The following CACNA2D3 variants were observed in gnomAD, a reference collection of about 807,000 sequenced individuals.
The protein encoded by CACNA2D3 is calcium voltage-gated channel auxiliary subunit alpha2delta 3.
A neutral mutation model predicts 160.6 loss-of-function variants in CACNA2D3; 60 were observed. That is an observed-to-expected ratio of 0.37 (90% CI 0.30 to 0.46). The LOEUF (loss-of-function observed/expected upper bound fraction) is 0.46. Among genes scored for constraint, CACNA2D3 ranks in the 20% least tolerant of loss-of-function variants. The pLI, the probability that CACNA2D3 is intolerant of heterozygous loss-of-function variation, is 1.00. For synonymous variants in CACNA2D3, 558 were observed against 492.9 expected (o/e 1.13, Z -1.75); for missense variants, 1,205 against 1,365.0 (o/e 0.88, Z 1.85).
intron 3 of CACNA2D3, among the ~76,000 whole-genome samples, chr3:54,365,948 A>G (rs1698821480): frequency 6.6e-6 from 1 of 152,186 alleles, no homozygotes; most frequent in Non-Finnish European, 1.5e-5. Context: ...AGATGGGAAG[A>G]TGCATTCATT....
At chr3:54,683,698 C>T (rs138334642) in intron 11 of CACNA2D3, among the ~76,000 whole-genome samples, 2 of 152,226 alleles carry the variant, frequency 1.3e-5, no homozygotes, top group East Asian at 3.9e-4. Flanking sequence ...CTCAGGGATG[C>T]CTTGTATCAC....
chr3:54,725,301 C>T (rs941702982), intron 11 of CACNA2D3, among the ~76,000 whole-genome samples: 3 of 152,066 alleles, frequency 2.0e-5, no homozygotes. Flanking sequence ...AGTCCAGGAC[C>T]AGACGGATTC....
intron 4 of CACNA2D3, among the ~76,000 whole-genome samples, chr3:54,437,331 T>C (rs7428295): frequency 0.79 from 120,720 of 152,218 alleles, 48,118 homozygotes; most frequent in African/African-American, 0.86. Context: ...CTTAAGCCAT[T>C]ACAGGCAATG....
rs750117882 is a variant in CACNA2D3 at position 54,489,226 on chromosome 3, A to G, written c.382-14266A>G. On this transcript the variant is annotated intron_variant, in intron 4 of 37. Coordinates refer to ENST00000474759, the MANE Select transcript of CACNA2D3 (RefSeq NM_018398.3). The stretch of plus-strand genomic sequence containing the variant: ...AGGATTGCATGCTGGGAGATGGCCC[A>G]CTCAGGTTGGTATTTCTGGAAGCTC... Among the ~76,000 whole-genome samples, 10 of 152,118 alleles carry G rather than the reference A, an allele frequency of 6.6e-5. 1 individual carries two copies. Among genetic ancestry groups the G allele is most frequent in the Non-Finnish European group, 8.8e-5 (6 of 68,026 alleles).
At chr3:54,924,847 C>T in intron 27 of CACNA2D3, 1 of 1,613,832 alleles carries the variant, frequency 6.2e-7, no homozygotes, top group South Asian at 1.1e-5. Flanking sequence ...AAATCAAGCT[C>T]CCTCAGCTGA....
intron 5 of CACNA2D3, among the ~76,000 whole-genome samples, chr3:54,547,744 G>A (rs1485896652): frequency 7.2e-6 from 1 of 138,834 alleles, no homozygotes; most frequent in African/African-American, 2.7e-5. Context: ...AAGTGTAGTG[G>A]CACAAGCATG....
At chr3:54,688,462 TGAA>T (rs764175891) in intron 11 of CACNA2D3, among the ~76,000 whole-genome samples, 1 of 151,974 alleles carries the variant, frequency 6.6e-6, no homozygotes, top group South Asian at 2.1e-4. Context: ...AATGAACAAA[TGAA>T]GGAGGGAAGG....
chr3:54,854,580 G>A (rs1054820450), intron 17 of CACNA2D3, among the ~76,000 whole-genome samples: 3 of 151,976 alleles, frequency 2.0e-5, no homozygotes, highest in Admixed American at 6.6e-5. Flanking sequence ...GCCAGGCGCC[G>A]CAGCACCCAG....
intron 5 of CACNA2D3, among the ~76,000 whole-genome samples, chr3:54,520,373 C>G (rs919239976): frequency 1.3e-5 from 2 of 152,214 alleles, no homozygotes; most frequent in Non-Finnish European, 2.9e-5. Flanking sequence ...TGGGTCATCA[C>G]ACAGCTAATT....
chr3:54,508,321 C>G (rs574894526), intron 5 of CACNA2D3, among the ~76,000 whole-genome samples: 1 of 152,290 alleles, frequency 6.6e-6, no homozygotes, highest in South Asian at 2.1e-4. Context: ...TTCCCACTCA[C>G]ACTGAAGAAG....
rs543643082 is a variant in CACNA2D3, at chr3:54,712,478, A to G, written c.1168-40121A>G. Among the ~76,000 whole-genome samples the G allele has an allele frequency of 7.9e-5, 12 of 152,272 alleles. No individual in the cohort carries two copies. In the South Asian group the frequency reaches 2.5e-3, roughly 32 times the overall value. ...TCCTGTGCAATTCTCATGATAGTGA[A>G]TAAGTCTCTCGAGATCTGATGGTTT... On this transcript the variant is annotated intron_variant, in intron 11 of 37. Coordinates refer to ENST00000474759, the MANE Select transcript of CACNA2D3 (RefSeq NM_018398.3).
intron 11 of CACNA2D3, among the ~76,000 whole-genome samples, chr3:54,750,479 G>T (rs922489119): frequency 6.6e-6 from 1 of 152,176 alleles, no homozygotes; most frequent in African/African-American, 2.4e-5. Context: ...TGGATTCTGT[G>T]GGTGCTGGCT....
At chr3:54,308,914 C>G (rs2107497537) in intron 2 of CACNA2D3, among the ~76,000 whole-genome samples, 1 of 152,278 alleles carries the variant, frequency 6.6e-6, no homozygotes, top group Non-Finnish European at 1.5e-5. Flanking sequence ...AGAAAGCAAT[C>G]TATATGAAGT....
At chr3:55,024,659 G>T (rs765338947) in intron 35 of CACNA2D3, among the ~76,000 whole-genome samples, 4 of 152,124 alleles carry the variant, frequency 2.6e-5, no homozygotes, top group African/African-American at 4.8e-5. Context: ...CCAAAACTGT[G>T]AGCAATAAAT....
chr3:54,836,533 C>T (rs894330368), intron 14 of CACNA2D3, among the ~76,000 whole-genome samples: 1 of 151,586 alleles, frequency 6.6e-6, no homozygotes, highest in African/African-American at 2.4e-5. Context: ...CACGCCTGTC[C>T]TCAAGGGCCA....
chr3:54,479,130 A>C (rs62254186), intron 4 of CACNA2D3, among the ~76,000 whole-genome samples: 21,272 of 151,846 alleles, frequency 0.14, 1,551 homozygotes, highest in Middle Eastern at 0.18. Context: ...GTGAGTTTTC[A>C]TGAGATCTGA....
chr3:54,209,573 A>G lies in CACNA2D3; in HGVS notation c.204+85979A>G, dbSNP rs117880422. Among the ~76,000 whole-genome samples the G allele has an allele frequency of 0.011, 1,712 of 152,372 alleles. 67 individuals are homozygous for G. In the East Asian group the frequency reaches 0.12, roughly 10 times the overall value. On this transcript the variant is annotated intron_variant, in intron 2 of 37. Coordinates refer to ENST00000474759, the MANE Select transcript of CACNA2D3 (RefSeq NM_018398.3). Reference sequence around the variant, plus strand: ...TATGCTCCTTTACAACTTTATTTAAAGAAAAGCGTAATGTGAAAGGCTTTT... The same window carrying G: ...TATGCTCCTTTACAACTTTATTTAAGGAAAAGCGTAATGTGAAAGGCTTTT...
In CACNA2D3 at chr3:55,074,272, G is replaced by A. The variant is rs1043415272; in HGVS notation, c.*66G>A. On this transcript the variant is annotated 3_prime_UTR_variant, in exon 38 of 38. Transcript: ENST00000474759. ...TGGCATGCTAAATCATGGATAAACT[G>A]TGAACCAAAATATGGTGCAACATAC... is the stretch of plus-strand genomic sequence containing the variant. 4 of 1,330,998 alleles carry A rather than the reference G, an allele frequency of 3.0e-6. No homozygotes were observed. The highest frequency in any genetic ancestry group is 3.3e-6 in the Non-Finnish European group (3 of 922,784). 82.4% of individuals were successfully genotyped at this position (1,330,998 alleles called of 1,614,324 possible).
At chr3:54,975,039 T>C (rs1702354402) in intron 29 of CACNA2D3, among the ~76,000 whole-genome samples, 2 of 152,186 alleles carry the variant, frequency 1.3e-5, no homozygotes, top group South Asian at 4.1e-4. Context: ...GCTAATTCTG[T>C]CCTAATTTAT....
Sources: gnomAD v4.1 joint callset for allele counts (sites outside exome capture counted in the v4.1 genomes callset) on GRCh38, gnomAD v4.1.1 for gene constraint, MANE v1.5 for transcripts, NCBI Gene and HGNC (gene_info 2026-07-23, HGNC 2026-07-21) for gene names.